Variants in C12orf42 observed in about 807,000 individuals in gnomAD.
C12orf42 encodes uncharacterized protein C12orf42.
Under a neutral mutation model 21.6 loss-of-function variants are expected in C12orf42, and 25 were observed. The observed-to-expected ratio is 1.16, with a 90% CI of 0.84 to 1.62. The LOEUF (loss-of-function observed/expected upper bound fraction) is 1.62, where lower values mean the gene tolerates loss of function less well. C12orf42 is among the 40% of genes most tolerant of loss of function. The probability of loss-of-function intolerance (pLI) is 0.00; values close to 1 mark genes in which losing one functional copy is unlikely to be tolerated. For missense variants in C12orf42, 483 were observed against 459.3 expected, an observed-to-expected ratio of 1.05 and a Z score of -0.47; for synonymous variants, 174 against 175.0, an observed-to-expected ratio of 0.99 and a Z score of 0.05.
intron 2 of C12orf42, among the ~76,000 whole-genome samples, chr12:103,457,493 T>C (rs1447207854): frequency 6.6e-6 from 1 of 152,160 alleles, no homozygotes; most frequent in Non-Finnish European, 1.5e-5. Flanking sequence ...TGTACATCCC[T>C]GTACACTGTA....
the C12orf42 span, among the ~76,000 whole-genome samples, chr12:103,208,306 T>G: frequency 6.6e-6 from 1 of 152,188 alleles, no homozygotes; most frequent in African/African-American, 2.4e-5. Context: ...ATCTGATTAC[T>G]TCTGGGGCTG....
intron 4 of C12orf42, among the ~76,000 whole-genome samples, chr12:103,366,518 T>TA (rs1285920226): frequency 2.6e-5 from 4 of 151,632 alleles, no homozygotes; most frequent in African/African-American, 7.3e-5. Context: ...GTCAGCAGAG[T>TA]AAACAGACAA....
At chr12:103,527,128 G>A in the C12orf42 span, among the ~76,000 whole-genome samples, 1 of 151,992 alleles carries the variant, frequency 6.6e-6, no homozygotes, top group African/African-American at 2.4e-5. Context: ...TTTGGGCAAC[G>A]AGATGGGAAG....
At chr12:103,340,529 C>T (rs2042070920) in intron 4 of C12orf42, among the ~76,000 whole-genome samples, 1 of 152,168 alleles carries the variant, frequency 6.6e-6, no homozygotes, top group Non-Finnish European at 1.5e-5. Context: ...TTAACTGTAT[C>T]ACAGAATAAA....
the C12orf42 span, among the ~76,000 whole-genome samples, chr12:103,525,523 T>A: frequency 6.6e-6 from 1 of 152,338 alleles, no homozygotes; most frequent in East Asian, 1.9e-4. Flanking sequence ...GCACTTCATG[T>A]ATAATATTAA....
chr12:103,194,913 C>A, the C12orf42 span, among the ~76,000 whole-genome samples: 1 of 152,074 alleles, frequency 6.6e-6, no homozygotes, highest in East Asian at 1.9e-4. Context: ...AAACATAGCA[C>A]CTGATAGGTA....
chr12:103,510,795 C>A, the C12orf42 span, among the ~76,000 whole-genome samples: 40 of 152,250 alleles, frequency 2.6e-4, no homozygotes, highest in Admixed American at 2.4e-3. Context: ...GATCTTATAT[C>A]TTACCCCTTC....
the C12orf42 span, among the ~76,000 whole-genome samples, chr12:103,517,088 T>C: frequency 2.1e-4 from 32 of 152,246 alleles, no homozygotes; most frequent in Middle Eastern, 0.01. Flanking sequence ...AGGAAGAACT[T>C]TGGCAAAAAA....
At chr12:103,522,840 A>G in the C12orf42 span, among the ~76,000 whole-genome samples, 5 of 152,190 alleles carry the variant, frequency 3.3e-5, no homozygotes, top group Non-Finnish European at 5.9e-5. Context: ...CAAGTCCACA[A>G]TGGTTTTGAT....
At chr12:103,050,234 G>A in the C12orf42 span, among the ~76,000 whole-genome samples, 14 of 152,032 alleles carry the variant, frequency 9.2e-5, no homozygotes, top group Non-Finnish European at 1.9e-4. Context: ...GTGTGTGTGT[G>A]TGTGTGTGTG....
At chr12:103,315,092 C>T (rs146013177) in intron 4 of C12orf42, among the ~76,000 whole-genome samples, 106 of 152,300 alleles carry the variant, frequency 7.0e-4, no homozygotes, top group African/African-American at 2.5e-3. Flanking sequence ...CACAACCCGA[C>T]ATCTAGCCAG....
At chr12:103,078,914 A>T in the C12orf42 span, among the ~76,000 whole-genome samples, 3 of 152,222 alleles carry the variant, frequency 2.0e-5, no homozygotes, top group East Asian at 3.9e-4. Flanking sequence ...TGCACACTAA[A>T]CCACACCGGT....
the C12orf42 span, among the ~76,000 whole-genome samples, chr12:103,201,325 T>C: frequency 6.6e-6 from 1 of 152,114 alleles, no homozygotes; most frequent in Non-Finnish European, 1.5e-5. Context: ...TGACCATTTT[T>C]TGGTGCAAGT....
At chr12:103,517,867 C>G in the C12orf42 span, among the ~76,000 whole-genome samples, 2 of 151,906 alleles carry the variant, frequency 1.3e-5, no homozygotes, top group Non-Finnish European at 2.9e-5. Context: ...GAAAGAAAAC[C>G]CACAGAAAAT....
rs71097979 is a variant in C12orf42, at chr12:103,462,096, G to GTT, written c.78+16251_78+16252dup. 4.4e-3 allele frequency among the ~76,000 whole-genome samples: 121 copies of GTT among 27,726 alleles called. 35 individuals carry two copies. Among genetic ancestry groups the GTT allele is most frequent in the East Asian group, 0.036 (34 of 934 alleles). The allele number at this position is 27,726 out of a possible 152,430, so 18.2% of individuals were successfully genotyped here. ...CCATTTTTGTTTTGTTTTTTGCTTG[G>GTT]TTTTTTTTTTTTTTTTTTTTTTTTT... On this transcript the variant is annotated intron_variant, in intron 2 of 5. Coordinates refer to ENST00000548883, the MANE Select transcript of C12orf42 (RefSeq NM_198521.5).
chr12:103,198,912 C>T, the C12orf42 span, among the ~76,000 whole-genome samples: 4 of 152,218 alleles, frequency 2.6e-5, no homozygotes. Flanking sequence ...GGGGGCAGCT[C>T]TTCCTGGCTG....
the C12orf42 span, among the ~76,000 whole-genome samples, chr12:103,506,816 T>TTATATATATATTTATATATTATA: frequency 5.4e-5 from 5 of 93,252 alleles, 1 homozygote; most frequent in Non-Finnish European, 9.5e-5. Flanking sequence ...AAATACATGT[T>TTATATATATATTTATATATTATA]TATATATATA....
intron 4 of C12orf42, among the ~76,000 whole-genome samples, chr12:103,364,540 G>A (rs1232725769): frequency 1.3e-5 from 2 of 151,734 alleles, no homozygotes; most frequent in African/African-American, 4.8e-5. Flanking sequence ...AAAAATAAAT[G>A]AACAAAAAGT....
chr12:103,536,248 C>T, the C12orf42 span, among the ~76,000 whole-genome samples: 1 of 152,114 alleles, frequency 6.6e-6, no homozygotes, highest in East Asian at 1.9e-4. Context: ...ATGATGGGAC[C>T]ATTCTCTGAG....
Sources: gnomAD v4.1 joint callset for allele counts (sites outside exome capture counted in the v4.1 genomes callset) on GRCh38, gnomAD v4.1.1 for gene constraint, MANE v1.5 for transcripts, NCBI Gene and HGNC (gene_info 2026-07-23, HGNC 2026-07-21) for gene names.